The following HSPA9 variants were observed in gnomAD, a reference collection of about 807,000 sequenced individuals.
HSPA9 encodes stress-70 protein, mitochondrial.
HSPA9 carries 28 observed loss-of-function variants against 81.5 expected under a neutral mutation model. That is an observed-to-expected ratio of 0.34 (90% CI 0.25 to 0.47). HSPA9 has a LOEUF of 0.47. Ranked by LOEUF, HSPA9 falls within the 20% of genes least tolerant of loss-of-function variation. The probability of loss-of-function intolerance (pLI) is 1.00; values close to 1 mark genes in which losing one functional copy is unlikely to be tolerated. For missense variants in HSPA9, 678 were observed against 838.0 expected, an observed-to-expected ratio of 0.81 and a Z score of 2.36; for synonymous variants, 293 against 290.4, an observed-to-expected ratio of 1.01 and a Z score of -0.09.
Position 138,569,026 on chromosome 5 carries a change from A to G in HSPA9, c.434T>C (p.Val145Ala), listed in dbSNP as rs1385315938. ...CCAGGCATCACCATTGGAGGCACGG[A>G]CAATTTTAAAGGGAACATTTTTACT... The part of the protein sequence containing the change: ...KDIKNVPFKI[V>A]RASNGDAWVE... Residue 145 changes from valine (V) to alanine (A), a missense_variant, in exon 5 of 17, where the codon GTC (valine) becomes GCC (alanine). Val to Ala is a moderately conservative substitution (Grantham distance 64, BLOSUM62 0). Transcript: ENST00000297185. The G allele has an allele frequency of 6.2e-7, 1 of 1,613,866 alleles. No homozygotes were observed. The highest frequency in any genetic ancestry group is 8.5e-7 in the Non-Finnish European group (1 of 1,179,882).
At chr5:138,573,163 G>A (rs1356902159) in intron 3 of HSPA9, among the ~76,000 whole-genome samples, 1 of 152,112 alleles carries the variant, frequency 6.6e-6, no homozygotes, top group Non-Finnish European at 1.5e-5. Context: ...AAAGTGCTAG[G>A]ATTTCAGGTG....
Position 138,556,258 on chromosome 5 carries a change from G to A in HSPA9, c.1963-144C>T, listed in dbSNP as rs758223823. ...CCCCCTCCCCACTTTCTACCCTACT[G>A]GTGGTTTCTGGATTCCTTCCCTTTG... is the stretch of plus-strand genomic sequence containing the variant. On this transcript the variant is annotated intron_variant, in intron 16 of 16. Transcript: ENST00000297185. 233 of 1,024,752 alleles carry A rather than the reference G, an allele frequency of 2.3e-4. 1 individual carries two copies. The highest frequency in any genetic ancestry group is 4.0e-4 in the Middle Eastern group (2 of 4,954). The allele number at this position is 1,024,752 out of a possible 1,614,324, so 63.5% of individuals were successfully genotyped here. A position where few individuals can be genotyped will look rare whatever the true frequency, so the allele number is the denominator to read the frequency against.
chr5:138,570,022 C>T (rs1385417486), intron 4 of HSPA9, among the ~76,000 whole-genome samples: 3 of 151,944 alleles, frequency 2.0e-5, no homozygotes, highest in Non-Finnish European at 4.4e-5. Context: ...GGACTATAGG[C>T]GCGCACCACC....
chr5:138,558,129 T>C (rs1283934034), intron 12 of HSPA9, 143 bp from the exon 13 acceptor site: 5 of 703,952 alleles, frequency 7.1e-6, no homozygotes, highest in Non-Finnish European at 1.3e-5. Flanking sequence ...ACAAAGTTTA[T>C]AAGCAACAGT....
chr5:138,563,784 A>G (rs1314869252), intron 9 of HSPA9, among the ~76,000 whole-genome samples: 1 of 152,256 alleles, frequency 6.6e-6, no homozygotes, highest in Non-Finnish European at 1.5e-5. Context: ...AGCTTAAAAC[A>G]AAAACAAAAA....
chr5:138,554,347 G>A lies in HSPA9; in HGVS notation c.*1690C>T, dbSNP rs1561855140. On this transcript the variant is annotated 3_prime_UTR_variant, in exon 17 of 17. Coordinates refer to ENST00000297185, the MANE Select transcript of HSPA9 (RefSeq NM_004134.7). Reference sequence around the variant, plus strand: ...GGAGGGCTTTTAAAGTTATCTTTAGGAGACAGTAGAGGCAGTGGGCAAGGG... The same window carrying A: ...GGAGGGCTTTTAAAGTTATCTTTAGAAGACAGTAGAGGCAGTGGGCAAGGG... 6.6e-6 allele frequency among the ~76,000 whole-genome samples: 1 copy of A among 152,158 alleles called. No individual in the cohort carries two copies. The highest frequency in any genetic ancestry group is 1.5e-5 in the Non-Finnish European group (1 of 68,026).
intron 16 of HSPA9, 76 bp downstream of exon 16, chr5:138,556,376 G>C: frequency 4.0e-6 from 6 of 1,517,626 alleles, no homozygotes; most frequent in Non-Finnish European, 5.4e-6. Context: ...GCTATGGAGG[G>C]AGCCACCAGT....
chr5:138,573,551 G>A (rs41294568), intron 3 of HSPA9, among the ~76,000 whole-genome samples: 5,115 of 146,676 alleles, frequency 0.035, 261 homozygotes, highest in African/African-American at 0.12. Context: ...TGTGGCCAAG[G>A]CAGGAGAACT....
At chr5:138,563,301 ATTTAAT>A (rs1750696509) in intron 9 of HSPA9, among the ~76,000 whole-genome samples, 1 of 152,252 alleles carries the variant, frequency 6.6e-6, no homozygotes, top group Non-Finnish European at 1.5e-5. Context: ...TTTAAATGTT[ATTTAAT>A]TTTAATTAAT....
intron 7 of HSPA9, 122 bp from the exon 8 acceptor site, chr5:138,567,285 G>T (rs3886365): frequency 3.0e-6 from 3 of 1,007,268 alleles, no homozygotes; most frequent in South Asian, 1.4e-5. Context: ...ATATGTACTA[G>T]TTAAATTACC....
rs1750485692 is a variant in HSPA9 at position 138,554,817 on chromosome 5, T to TA, written c.*1219dup. 6.6e-6 allele frequency: 1 copy of TA among 152,206 alleles called. No homozygotes were observed. The highest frequency in any genetic ancestry group is 2.1e-4 in the South Asian group (1 of 4,836). 9.4% of individuals were successfully genotyped at this position (152,206 alleles called of 1,614,324 possible). The stretch of plus-strand genomic sequence containing the variant: ...TTCTGCTCAGGTTGTCAGCACATGA[T>TA]AATTATTAGAACTACATCAGAGAAT... On this transcript the variant is annotated 3_prime_UTR_variant, in exon 17 of 17. Coordinates refer to ENST00000297185, the MANE Select transcript of HSPA9 (RefSeq NM_004134.7).
intron 16 of HSPA9, 33 bp downstream of exon 16, chr5:138,556,417 CAA>C (rs1205164657): frequency 1.9e-6 from 3 of 1,608,996 alleles, no homozygotes; most frequent in Non-Finnish European, 2.5e-6. Context: ...CCATCCAGAT[CAA>C]GTTAGAATCA....
At position 138,568,962 on chromosome 5, in the gene HSPA9, A is replaced by C. The variant is rs1388403890; in HGVS notation, c.498T>G (p.Ile166Met). 6.2e-7 allele frequency: 1 copy of C among 1,614,036 alleles called. No individual in the cohort carries two copies. The highest frequency in any genetic ancestry group is 2.2e-5 in the East Asian group (1 of 44,872). The change falls in exon 5 of 17, where the codon ATT becomes ATG. Residue 166 changes from isoleucine to methionine, a missense_variant. This residue lies in a region of HSPA9 where 484 missense variants were observed against 647.5 expected (regional missense o/e 0.75). Transcript: ENST00000297185. ...TCATCTTCATCAACACAAATGCTCC[A>C]ATCTGACTCGGAGAATACAATTTCC... ...AHGKLYSPSQ[I>M]GAFVLMKMKE...
In HSPA9 at chr5:138,555,113, G is replaced by C. The variant is rs1385071096; in HGVS notation, c.*924C>G. ...TCTAGAAACTTTCAAGATTCTAAAT[G>C]TACCAAAGGTCTAAGGGGAGAAAAT... On this transcript the variant is annotated 3_prime_UTR_variant, in exon 17 of 17. Coordinates refer to ENST00000297185, the MANE Select transcript of HSPA9 (RefSeq NM_004134.7). The C allele has an allele frequency of 2.0e-5, 3 of 152,130 alleles. No homozygotes were observed. The highest frequency in any genetic ancestry group is 2.0e-4 in the Admixed American group (3 of 15,266). 9.4% of individuals were successfully genotyped at this position (152,130 alleles called of 1,614,324 possible).
At position 138,567,702 on chromosome 5, in the gene HSPA9, C is replaced by T. The variant is rs776115911; in HGVS notation, c.556G>A (p.Ala186Thr). The change falls in exon 6 of 17, where the codon GCA becomes ACA. Residue 186 changes from alanine (A) to threonine (T), a missense_variant. By Grantham distance (58) the Ala-to-Thr change is moderately conservative. Around this residue, in one of 4 missense-constraint regions of HSPA9, gnomAD observed 484 missense variants for 647.5 expected, o/e 0.75. Coordinates refer to ENST00000297185, the MANE Select transcript of HSPA9 (RefSeq NM_004134.7). Reference protein sequence around the residue: ...ETAENYLGHTAKNAVITVPAY... With the variant: ...ETAENYLGHTTKNAVITVPAY... Reference sequence around the variant, plus strand: ...GGGACTGTGATCACAGCATTTTTTGCTGTGTGCCCCAAGTAATTTTCTGGA... The same window carrying T: ...GGGACTGTGATCACAGCATTTTTTGTTGTGTGCCCCAAGTAATTTTCTGGA... The T allele has an allele frequency of 2.5e-6, 4 of 1,613,330 alleles. No individual in the cohort carries two copies. Among genetic ancestry groups the T allele is most frequent in the Non-Finnish European group, 2.5e-6 (3 of 1,179,416 alleles).
intron 4 of HSPA9, 107 bp from the exon 5 acceptor site, chr5:138,569,156 TG>T: frequency 9.7e-7 from 1 of 1,031,564 alleles, no homozygotes. Flanking sequence ...GACTCATTCA[TG>T]GCCAACAAAT....
intron 5 of HSPA9, among the ~76,000 whole-genome samples, chr5:138,568,046 A>T (rs191410731): frequency 1.3e-5 from 2 of 152,250 alleles, no homozygotes; most frequent in Admixed American, 1.3e-4. Context: ...TTATTCAGGC[A>T]TGGTGGCGCA....
At chr5:138,560,770 G>C (rs185598277) in intron 10 of HSPA9, 2 of 354,956 alleles carry the variant, frequency 5.6e-6, no homozygotes, top group Non-Finnish European at 1.1e-5. Flanking sequence ...GGATGGTCTC[G>C]ATCTCTTGAC....
intron 10 of HSPA9, among the ~76,000 whole-genome samples, chr5:138,560,564 C>CG (rs1750632428): frequency 7.4e-6 from 1 of 135,064 alleles, no homozygotes; most frequent in Non-Finnish European, 1.6e-5. Context: ...TTTTCTTCTT[C>CG]TTTTTTTTTT....
Sources: allele counts gnomAD v4.1 joint callset (sites outside exome capture counted in the v4.1 genomes callset), GRCh38; gene constraint gnomAD v4.1.1; regional missense constraint gnomAD v4.1.1; transcripts MANE v1.5; gene names NCBI Gene and HGNC (gene_info 2026-07-23, HGNC 2026-07-21).